FEZ1: variants seen among roughly 807,000 people sequenced by gnomAD.
FEZ1 encodes the protein fasciculation and elongation protein zeta-1.
A neutral mutation model predicts 49.3 loss-of-function variants in FEZ1; 20 were observed. The observed-to-expected ratio is 0.41, with a 90% CI of 0.29 to 0.59. The LOEUF (loss-of-function observed/expected upper bound fraction) is 0.59, where lower values mean the gene tolerates loss of function less well. Ranked by LOEUF, FEZ1 falls within the 20% of genes least tolerant of loss-of-function variation. FEZ1 has a pLI of 0.36. For synonymous variants in FEZ1, 170 were observed against 180.9 expected, an observed-to-expected ratio of 0.94 and a Z score of 0.48; for missense variants, 413 against 476.0, an observed-to-expected ratio of 0.87 and a Z score of 1.23.
intron 2 of FEZ1, among the ~76,000 whole-genome samples, chr11:125,487,939 C>T (rs536621192): frequency 1.9e-3 from 291 of 152,266 alleles, no homozygotes; most frequent in Non-Finnish European, 1.6e-3. Flanking sequence ...TCCTCTAGGA[C>T]GTGCCTCTTA....
chr11:125,474,940 TA>T (rs1408409909), intron 3 of FEZ1, among the ~76,000 whole-genome samples: 1 of 151,186 alleles, frequency 6.6e-6, no homozygotes, highest in Non-Finnish European at 1.5e-5. Flanking sequence ...AACAATGTAC[TA>T]AAAAAATGCA....
Position 125,448,577 on chromosome 11 carries a change from G to A in FEZ1, c.1097-10C>T. The A allele has an allele frequency of 3.8e-6, 6 of 1,588,108 alleles. No individual in the cohort carries two copies. In the South Asian group the frequency reaches 5.5e-5, roughly 15 times the overall value. On this transcript the variant is annotated splice_polypyrimidine_tract_variant and intron_variant, in intron 8 of 9. Coordinates refer to ENST00000278919, the MANE Select transcript of FEZ1 (RefSeq NM_005103.5). The stretch of plus-strand genomic sequence containing the variant: ...TTCATGGCAAAGAGAACTAGGAAAG[G>A]AGACAGAGAGAGGAACTAAGATACC...
chr11:125,494,925 T>C (rs1486492581), intron 1 of FEZ1, among the ~76,000 whole-genome samples: 1 of 152,108 alleles, frequency 6.6e-6, no homozygotes, highest in African/African-American at 2.4e-5. Flanking sequence ...CTTCTTCCCA[T>C]CACTTGGTCC....
intron 3 of FEZ1, among the ~76,000 whole-genome samples, chr11:125,477,205 C>A (rs998252932): frequency 6.6e-6 from 1 of 151,902 alleles, no homozygotes; most frequent in Non-Finnish European, 1.5e-5. Context: ...TCAAGATTAG[C>A]CAATTCTGGC....
intron 2 of FEZ1, among the ~76,000 whole-genome samples, chr11:125,483,312 G>A (rs653921): frequency 0.89 from 136,153 of 152,224 alleles, 60,963 homozygotes; most frequent in East Asian, 1. Flanking sequence ...GGAACAAATA[G>A]AAGGAACCCA....
intron 5 of FEZ1, chr11:125,456,376 A>G: frequency 5.0e-6 from 2 of 396,690 alleles, no homozygotes; most frequent in Non-Finnish European, 8.9e-6. Context: ...TCTATTCTCA[A>G]AAATGGGGAT....
intron 3 of FEZ1, among the ~76,000 whole-genome samples, chr11:125,481,253 T>A (rs1413854372): frequency 3.3e-5 from 5 of 151,950 alleles, no homozygotes; most frequent in Non-Finnish European, 5.9e-5. Context: ...GCTCAAGCAA[T>A]CCTCCCACCT....
intron 8 of FEZ1, among the ~76,000 whole-genome samples, chr11:125,448,893 C>A (rs886355670): frequency 2.0e-5 from 3 of 151,884 alleles, no homozygotes. Context: ...AAAAAGATAG[C>A]TGGGTGTGGT....
chr11:125,455,988 A>G lies in FEZ1; in HGVS notation c.786T>C (p.Phe262=), dbSNP rs767386681. Residue 262 remains phenylalanine, a synonymous_variant, in exon 6 of 10, where the codon TTT becomes TTC. Transcript: ENST00000278919. ...TAAAGGAGTTCTTCACTTCCTTCTC[A>G]AACTCCAGCTCGTCCCGGCGGGCCA... ...QQLARRDELE[F]EKEVKNSFIT... 6.2e-7 allele frequency: 1 copy of G among 1,613,360 alleles called. No individual in the cohort carries two copies. The highest frequency in any genetic ancestry group is 1.1e-5 in the South Asian group (1 of 91,042).
At chr11:125,457,498 A>ATG (rs1565533693) in intron 5 of FEZ1, among the ~76,000 whole-genome samples, 20 of 64,226 alleles carry the variant, frequency 3.1e-4, no homozygotes, top group East Asian at 2.6e-3. Flanking sequence ...ATGTGTATAT[A>ATG]TGTATATATA....
At chr11:125,479,868 A>C (rs1957264127) in intron 3 of FEZ1, among the ~76,000 whole-genome samples, 1 of 152,210 alleles carries the variant, frequency 6.6e-6, no homozygotes, top group Non-Finnish European at 1.5e-5. Context: ...AGCAGCCCAA[A>C]CTGACTAAGA....
chr11:125,457,483 C>CATATATGTGTATATATGTATATATACAT, intron 5 of FEZ1, among the ~76,000 whole-genome samples: 1 of 47,810 alleles, frequency 2.1e-5, no homozygotes, highest in Admixed American at 2.3e-4. Flanking sequence ...TATATATACA[C>CATATATGTGTATATATGTATATATACAT]ATATATGTGT....
Position 125,489,876 on chromosome 11 carries a change from A to ACG in FEZ1, c.-45-55_-45-54insCG. 1 of 1,414,016 alleles carries ACG rather than the reference A, an allele frequency of 7.1e-7. No individual in the cohort carries two copies. The allele number at this position is 1,414,016 out of a possible 1,614,324, so 87.6% of individuals were successfully genotyped here. A position where few individuals can be genotyped will look rare whatever the true frequency, so the allele number is the denominator to read the frequency against. Reference sequence around the variant, plus strand: ...TTTAGACCAGGCTAATCTAAATAATAGAGTTAACTTTAGAGACACACCTGC... The same window carrying ACG: ...TTTAGACCAGGCTAATCTAAATAATACGGAGTTAACTTTAGAGACACACCTGC... On this transcript the variant is annotated intron_variant, in intron 1 of 9. Coordinates refer to ENST00000278919, the MANE Select transcript of FEZ1 (RefSeq NM_005103.5). The surrounding 1 kb of genome is among the most constrained non-coding windows in gnomAD (Gnocchi z 4.2).
intron 3 of FEZ1, 120 bp downstream of exon 3, chr11:125,481,414 T>C (rs775967812): frequency 1.4e-5 from 11 of 769,962 alleles, no homozygotes; most frequent in Non-Finnish European, 2.6e-5. Flanking sequence ...CTCCCAAAGC[T>C]GAGATTACAG....
At chr11:125,461,755 GC>G (rs1957077425) in intron 4 of FEZ1, among the ~76,000 whole-genome samples, 1 of 152,214 alleles carries the variant, frequency 6.6e-6, no homozygotes, top group Admixed American at 6.5e-5. Flanking sequence ...AGTCCCCGAG[GC>G]CAGCATTGTA....
At chr11:125,453,246 C>A (rs1249759325) in intron 7 of FEZ1, 2 of 152,148 alleles carry the variant, frequency 1.3e-5, no homozygotes, top group African/African-American at 2.4e-5. Flanking sequence ...CGTGAGCCAC[C>A]GCGCCCGGCC....
intron 3 of FEZ1, among the ~76,000 whole-genome samples, chr11:125,464,295 A>T (rs1438343776): frequency 1.3e-5 from 2 of 152,260 alleles, no homozygotes; most frequent in East Asian, 3.8e-4. Flanking sequence ...CTAACAAGCT[A>T]TTCAAAGCAT....
Position 125,495,440 on chromosome 11 carries a change from C to T in FEZ1, c.-46+681G>A. 4.3e-6 allele frequency: 2 copies of T among 470,360 alleles called. No individual in the cohort carries two copies. Among genetic ancestry groups the T allele is most frequent in the Non-Finnish European group, 8.8e-6 (2 of 226,586 alleles). The allele number at this position is 470,360 out of a possible 1,614,324, so 29.1% of individuals were successfully genotyped here. ...CCGCATTCCAGAGCCCGGGGCCCAC[C>T]CGACGGCAGCGCGCCCCGCCACCGC... On this transcript the variant is annotated intron_variant, in intron 1 of 9. Transcript: ENST00000278919. This position sits in a 1 kb window ranked among gnomAD's most constrained non-coding sequence, Gnocchi z 4.2.
At position 125,471,483 on chromosome 11, in the gene FEZ1, AG is replaced by A. The variant is rs1179069887; in HGVS notation, c.412-7914del. 2.6e-5 allele frequency among the ~76,000 whole-genome samples: 4 copies of A among 151,812 alleles called. No individual in the cohort carries two copies. In the East Asian group the frequency reaches 7.7e-4, roughly 29 times the overall value. ...ACACACTTTGCAAACAGTATGCATA[AG>A]AAAGCTTAAGTGGCTACATTCATAT... On this transcript the variant is annotated intron_variant, in intron 3 of 9. Transcript: ENST00000278919.
Sources: gnomAD v4.1 joint callset for allele counts (sites outside exome capture counted in the v4.1 genomes callset) on GRCh38, gnomAD v4.1.1 for gene constraint, Gnocchi (gnomAD v3.1) non-coding constraint, MANE v1.5 for transcripts, NCBI Gene and HGNC (gene_info 2026-07-23, HGNC 2026-07-21) for gene names.